Variants in SPAG17 observed in about 807,000 individuals in gnomAD.
The protein encoded by SPAG17 is sperm-associated antigen 17.
A neutral mutation model predicts 273.6 loss-of-function variants in SPAG17; 169 were observed. The observed-to-expected ratio is 0.62, with a 90% CI of 0.55 to 0.70. SPAG17 has a LOEUF of 0.70. Among genes scored for constraint, SPAG17 ranks in the 30% least tolerant of loss-of-function variants. The pLI is 0.00. For missense variants in SPAG17, 2,557 were observed against 2,627.8 expected (o/e 0.97, Z 0.59); for synonymous variants, 825 against 873.2 (o/e 0.94, Z 0.97).
chr1:118,144,257 A>T (rs1307636512), intron 3 of SPAG17, among the ~76,000 whole-genome samples: 1 of 152,122 alleles, frequency 6.6e-6, no homozygotes, highest in Non-Finnish European at 1.5e-5. Context: ...ACTAGCTTGA[A>T]CTTGACTTTC....
At chr1:118,002,229 T>G (rs1658366173) in intron 32 of SPAG17, among the ~76,000 whole-genome samples, 2 of 152,146 alleles carry the variant, frequency 1.3e-5, no homozygotes. Flanking sequence ...TGCTGAGGAG[T>G]GCTTTACTTC....
intron 13 of SPAG17, 54 bp from the exon 14 acceptor site, chr1:118,081,696 C>T: frequency 7.0e-7 from 1 of 1,438,712 alleles, no homozygotes; most frequent in Non-Finnish European, 9.7e-7. Flanking sequence ...GCACATGGTA[C>T]AGGGTTGACA....
chr1:118,124,277 C>T (rs1284412697), intron 3 of SPAG17, among the ~76,000 whole-genome samples: 1 of 152,112 alleles, frequency 6.6e-6, no homozygotes, highest in Non-Finnish European at 1.5e-5. Flanking sequence ...ATTCTTGGTC[C>T]TTGCAGTTGT....
At chr1:118,004,590 A>G (rs1405095897) in intron 32 of SPAG17, among the ~76,000 whole-genome samples, 5 of 152,246 alleles carry the variant, frequency 3.3e-5, no homozygotes, top group Non-Finnish European at 7.3e-5. Context: ...GCAGTCAGCA[A>G]GGCTCCTTGG....
Position 117,994,542 on chromosome 1 carries a change from A to G in SPAG17, c.5054-12T>C. 6.2e-7 allele frequency: 1 copy of G among 1,601,712 alleles called. No homozygotes were observed. Among genetic ancestry groups the G allele is most frequent in the East Asian group, 2.2e-5 (1 of 44,720 alleles). The stretch of plus-strand genomic sequence containing the variant: ...GATGGTTAGGGTGCCTGGTTCAAAG[A>G]AAGTTGTCAGAAGACCATTACCCAT... On this transcript the variant is annotated splice_polypyrimidine_tract_variant and intron_variant, in intron 34 of 48. Transcript: ENST00000336338.
intron 10 of SPAG17, among the ~76,000 whole-genome samples, chr1:118,090,021 C>A (rs571130626): frequency 1.8e-4 from 28 of 152,112 alleles, no homozygotes; most frequent in Non-Finnish European, 1.6e-4. Flanking sequence ...TCCAGCCATG[C>A]GGAACTGTGA....
intron 1 of SPAG17, among the ~76,000 whole-genome samples, chr1:118,164,414 CAGT>C (rs1660066757): frequency 1.3e-5 from 2 of 152,258 alleles, no homozygotes; most frequent in South Asian, 2.1e-4. Flanking sequence ...ATTTGTCAGT[CAGT>C]CTGAAGTTGG....
intron 1 of SPAG17, among the ~76,000 whole-genome samples, chr1:118,179,612 A>G (rs1036780180): frequency 6.6e-6 from 1 of 151,994 alleles, no homozygotes; most frequent in African/African-American, 2.4e-5. Context: ...CAAGTTAAAA[A>G]GCTCTGCACA....
At chr1:118,065,397 A>G (rs1233086598) in intron 18 of SPAG17, among the ~76,000 whole-genome samples, 1 of 152,132 alleles carries the variant, frequency 6.6e-6, no homozygotes. Context: ...ATTTTCCACA[A>G]ACTATTTCAG....
At chr1:118,178,158 C>T (rs1660782468) in intron 1 of SPAG17, among the ~76,000 whole-genome samples, 1 of 152,028 alleles carries the variant, frequency 6.6e-6, no homozygotes, top group Non-Finnish European at 1.5e-5. Context: ...TGATAAATAT[C>T]ATTAAAATGG....
intron 42 of SPAG17, among the ~76,000 whole-genome samples, chr1:117,983,011 G>A (rs141304849): frequency 8.1e-4 from 123 of 152,210 alleles, no homozygotes; most frequent in African/African-American, 2.9e-3. Context: ...TGTATTAGTC[G>A]GTTTTCACAT....
chr1:118,086,893 C>T lies in SPAG17; in HGVS notation c.1475G>A (p.Cys492Tyr), dbSNP rs1307623820. Residue 492 changes from cysteine to tyrosine, a missense_variant, in exon 11 of 49, where the codon TGT becomes TAT. Physicochemically the swap from Cys to Tyr is radical, Grantham distance 194. Transcript: ENST00000336338. ...AHIVSLLPSL[C>Y]LSEREKKNLH... ...GACCTTTTTCTCCCTCTCTGAGAGA[C>T]AGAGTGAGGGCAGAAGGGACACAAT... is the stretch of plus-strand genomic sequence containing the variant. The T allele has an allele frequency of 6.2e-7, 1 of 1,614,084 alleles. No individual in the cohort carries two copies.
At chr1:118,155,017 C>T (rs963898757) in intron 1 of SPAG17, among the ~76,000 whole-genome samples, 3 of 152,046 alleles carry the variant, frequency 2.0e-5, no homozygotes, top group South Asian at 2.1e-4. Flanking sequence ...GAAATCAAGT[C>T]GGCTGCTTAG....
At chr1:118,049,641 C>A (rs1034926263) in intron 20 of SPAG17, among the ~76,000 whole-genome samples, 4 of 152,172 alleles carry the variant, frequency 2.6e-5, no homozygotes, top group Admixed American at 6.5e-5. Flanking sequence ...ATCAAAATTC[C>A]AATGTCATCT....
intron 10 of SPAG17, among the ~76,000 whole-genome samples, chr1:118,089,449 A>C (rs941639302): frequency 1.3e-5 from 2 of 151,978 alleles, no homozygotes; most frequent in Non-Finnish European, 2.9e-5. Flanking sequence ...TTCACACAGA[A>C]TGTGACTGGA....
In SPAG17 at chr1:117,991,496, A is replaced by G; in HGVS notation, c.5394T>C (p.Asp1798=). The G allele has an allele frequency of 1.9e-6, 3 of 1,610,768 alleles. No individual in the cohort carries two copies. Among genetic ancestry groups the G allele is most frequent in the Non-Finnish European group, 2.5e-6 (3 of 1,177,412 alleles). ...DYINYILKKE[D]ELQEMMVKDS... ...CTTTAACCATCATTTCCTGCAGCTC[A>G]TCTTCTTTCTTTAGAATATAGTTTA... Residue 1798 remains aspartate (D), a synonymous_variant, in exon 37 of 49, where the codon GAT becomes GAC. Coordinates refer to ENST00000336338, the MANE Select transcript of SPAG17 (RefSeq NM_206996.4).
intron 13 of SPAG17, among the ~76,000 whole-genome samples, chr1:118,082,573 A>G (rs1654671131): frequency 6.6e-6 from 1 of 152,200 alleles, no homozygotes; most frequent in Non-Finnish European, 1.5e-5. Context: ...ATCATTAACT[A>G]TAATGAAAGC....
intron 3 of SPAG17, among the ~76,000 whole-genome samples, chr1:118,116,370 T>C (rs552951918): frequency 2.4e-4 from 36 of 152,344 alleles, no homozygotes; most frequent in African/African-American, 8.4e-4. Flanking sequence ...GCAAGCATCA[T>C]ATTTATTTAT....
intron 1 of SPAG17, among the ~76,000 whole-genome samples, chr1:118,155,782 C>T (rs1659618153): frequency 6.6e-6 from 1 of 152,166 alleles, no homozygotes; most frequent in South Asian, 2.1e-4. Flanking sequence ...AGACGATAAC[C>T]TTTTTGTTAA....
Sources: gnomAD v4.1 joint callset for allele counts (sites outside exome capture counted in the v4.1 genomes callset) on GRCh38, gnomAD v4.1.1 for gene constraint, MANE v1.5 for transcripts, NCBI Gene and HGNC (gene_info 2026-07-23, HGNC 2026-07-21) for gene names.